The following PTPRD variants were observed in gnomAD, a reference collection of about 807,000 sequenced individuals.
PTPRD encodes the protein receptor-type tyrosine-protein phosphatase delta.
Under a neutral mutation model 214.5 loss-of-function variants are expected in PTPRD, and 34 were observed. That is an observed-to-expected ratio of 0.16 (90% confidence interval 0.12 to 0.21). PTPRD has a LOEUF of 0.21. Among genes scored for constraint, PTPRD ranks in the 10% least tolerant of loss-of-function variants. The pLI is 1.00. For missense variants in PTPRD, 2,545 were observed against 2,398.7 expected (o/e 1.06, Z -1.27); for synonymous variants, 1,128 against 845.7 (o/e 1.33, Z -5.79).
chr9:10,092,488 C>T (rs2098442243), intron 3 of PTPRD, among the ~76,000 whole-genome samples: 1 of 151,272 alleles, frequency 6.6e-6, no homozygotes, highest in African/African-American at 2.4e-5. Context: ...GTCAAAATTA[C>T]CTGTAATCAT....
At chr9:8,628,164 T>C (rs1271963723) in intron 14 of PTPRD, among the ~76,000 whole-genome samples, 3 of 151,826 alleles carry the variant, frequency 2.0e-5, no homozygotes, top group African/African-American at 4.8e-5. Flanking sequence ...GACCACTTTA[T>C]AACATAAACG....
intron 3 of PTPRD, among the ~76,000 whole-genome samples, chr9:10,128,287 C>T (rs2098834536): frequency 6.6e-6 from 1 of 152,110 alleles, no homozygotes; most frequent in South Asian, 2.1e-4. Flanking sequence ...AAGATTATTG[C>T]AGCTGCAATA....
At chr9:9,850,703 C>G (rs1311129723) in intron 5 of PTPRD, among the ~76,000 whole-genome samples, 1 of 152,068 alleles carries the variant, frequency 6.6e-6, no homozygotes, top group East Asian at 1.9e-4. Context: ...AATCTACTCT[C>G]TAAGCAATTT....
chr9:9,825,396 C>A lies in PTPRD; in HGVS notation c.-367-58545G>T, dbSNP rs201391469. 4.8e-5 allele frequency among the ~76,000 whole-genome samples: 7 copies of A among 144,902 alleles called. No individual in the cohort carries two copies. In the Admixed American group the frequency reaches 4.9e-4, roughly 10 times the overall value. The stretch of plus-strand genomic sequence containing the variant: ...ACACAGAGAGACAGAGAGAGAGAGA[C>A]AGAGAGAGAAAGAGAGAGAGAAAGA... On this transcript the variant is annotated intron_variant, in intron 5 of 45. Transcript: ENST00000381196.
chr9:10,557,210 A>G (rs927680799), intron 2 of PTPRD, among the ~76,000 whole-genome samples: 1 of 152,130 alleles, frequency 6.6e-6, no homozygotes, highest in Non-Finnish European at 1.5e-5. Flanking sequence ...TTTCATAGAT[A>G]TTGTAAAGTC....
intron 7 of PTPRD, among the ~76,000 whole-genome samples, chr9:9,717,042 G>T (rs1280162850): frequency 6.6e-6 from 1 of 152,092 alleles, no homozygotes; most frequent in East Asian, 1.9e-4. Flanking sequence ...GTGTAAGGAA[G>T]GGAACCAGTT....
intron 11 of PTPRD, among the ~76,000 whole-genome samples, chr9:8,837,473 A>T (rs1380993675): frequency 6.6e-6 from 1 of 151,344 alleles, no homozygotes; most frequent in South Asian, 2.1e-4. Flanking sequence ...ACATCAGAAG[A>T]CTAATCTCCT....
At chr9:8,384,257 G>T (rs1419246079) in intron 37 of PTPRD, among the ~76,000 whole-genome samples, 1 of 152,024 alleles carries the variant, frequency 6.6e-6, no homozygotes, top group African/African-American at 2.4e-5. Context: ...CCTTCCATGT[G>T]GTTGCCCAGA....
At chr9:9,740,514 C>T (rs559362339) in intron 6 of PTPRD, among the ~76,000 whole-genome samples, 7 of 108,040 alleles carry the variant, frequency 6.5e-5, no homozygotes, top group South Asian at 5.1e-4. Flanking sequence ...CCCGCCACCA[C>T]GCCCGGCTAA....
chr9:9,862,727 G>C (rs2063049184), intron 5 of PTPRD, among the ~76,000 whole-genome samples: 1 of 150,996 alleles, frequency 6.6e-6, no homozygotes, highest in Non-Finnish European at 1.5e-5. Flanking sequence ...ATTGGTGGGG[G>C]GCGGGGGGGG....
chr9:8,710,867 C>G (rs139273851), intron 12 of PTPRD, among the ~76,000 whole-genome samples: 1 of 152,018 alleles, frequency 6.6e-6, no homozygotes, highest in Non-Finnish European at 1.5e-5. Context: ...CTCCATCAAA[C>G]GAATAAAACT....
chr9:8,324,202 C>A (rs1260300667), intron 44 of PTPRD, among the ~76,000 whole-genome samples: 1 of 151,706 alleles, frequency 6.6e-6, no homozygotes, highest in East Asian at 1.9e-4. Flanking sequence ...CTGCACCCAT[C>A]AACCCATCAT....
At chr9:9,964,028 A>G (rs10441735) in intron 4 of PTPRD, among the ~76,000 whole-genome samples, 6,076 of 152,228 alleles carry the variant, frequency 0.04, 147 homozygotes, top group Non-Finnish European at 0.059. Flanking sequence ...AGTCAGAGAG[A>G]CACAGACAGA....
Position 8,436,637 on chromosome 9 carries a change from T to C in PTPRD, c.4041A>G (p.Glu1347=), listed in dbSNP as rs779586488. 1 of 1,613,614 alleles carries C rather than the reference T, an allele frequency of 6.2e-7. No individual in the cohort carries two copies. The highest frequency in any genetic ancestry group is 8.5e-7 in the Non-Finnish European group (1 of 1,179,740). The stretch of plus-strand genomic sequence containing the variant: ...TCAAGTTGTCATTTGCTTTCAATCT[T>C]TCAATGTGGTCTGCAAGTTCCAAGA... The part of the protein sequence containing the change: ...IPILELADHI[E]RLKANDNLKF... The change falls in exon 35 of 46, where the codon GAA becomes GAG. Residue 1347 remains glutamate, a synonymous_variant. Transcript: ENST00000381196.
intron 2 of PTPRD, among the ~76,000 whole-genome samples, chr9:10,481,591 T>C (rs1055618999): frequency 2.6e-5 from 4 of 152,214 alleles, no homozygotes; most frequent in African/African-American, 7.2e-5. Context: ...AGTTAAAATA[T>C]AGTTTTTGAA....
intron 3 of PTPRD, among the ~76,000 whole-genome samples, chr9:10,078,666 T>G (rs1171008458): frequency 6.6e-6 from 1 of 152,094 alleles, no homozygotes; most frequent in African/African-American, 2.4e-5. Flanking sequence ...TAATCATTAT[T>G]TACCAACTTC....
At position 9,003,053 on chromosome 9, in the gene PTPRD, T is replaced by G. The variant is rs189136306; in HGVS notation, c.-104+15644A>C. Among the ~76,000 whole-genome samples the G allele has an allele frequency of 9.2e-5, 14 of 152,158 alleles. No homozygotes were observed. In the East Asian group the frequency reaches 2.5e-3, roughly 27 times the overall value. ...GCTTTTAATGCCTGGAGAGCTGACTTATCAACAAACACACCACTGGATCAT... is the reference window on the plus strand; with the variant it reads ...GCTTTTAATGCCTGGAGAGCTGACTGATCAACAAACACACCACTGGATCAT... On this transcript the variant is annotated intron_variant, in intron 11 of 45. Coordinates refer to ENST00000381196, the MANE Select transcript of PTPRD (RefSeq NM_002839.4).
intron 5 of PTPRD, among the ~76,000 whole-genome samples, chr9:9,786,080 C>G (rs114585582): frequency 6.6e-6 from 1 of 152,042 alleles, no homozygotes; most frequent in East Asian, 1.9e-4. Flanking sequence ...TAATACAAAC[C>G]AATGGCCTAA....
At chr9:9,949,748 G>C (rs987829897) in intron 4 of PTPRD, among the ~76,000 whole-genome samples, 2 of 152,136 alleles carry the variant, frequency 1.3e-5, no homozygotes, top group African/African-American at 4.8e-5. Context: ...TGGGGAGCAA[G>C]TATGTAGACT....
Sources: allele counts gnomAD v4.1 joint callset (sites outside exome capture counted in the v4.1 genomes callset), GRCh38; gene constraint gnomAD v4.1.1; transcripts MANE v1.5; gene names NCBI Gene and HGNC (gene_info 2026-07-23, HGNC 2026-07-21).